Variants in SCAP observed in about 807,000 individuals in gnomAD.
SCAP encodes SREBF chaperone, also known as sterol regulatory element-binding protein cleavage-activating protein.
In SCAP, 65 loss-of-function variants were observed where a neutral mutation model predicts 123.6. The observed-to-expected ratio is 0.53, with a 90% CI of 0.43 to 0.65. SCAP has a LOEUF of 0.65. SCAP is among the 30% of genes least tolerant of loss of function. The probability of loss-of-function intolerance (pLI) is 0.00; values close to 1 mark genes in which losing one functional copy is unlikely to be tolerated. For synonymous variants in SCAP, 740 were observed against 726.3 expected (o/e 1.02, Z -0.30); for missense variants, 1,398 against 1,712.5 (o/e 0.82, Z 3.24).
intron 1 of SCAP, among the ~76,000 whole-genome samples, chr3:47,465,614 T>A (rs1188883593): frequency 1.3e-5 from 2 of 151,570 alleles, no homozygotes; most frequent in African/African-American, 2.4e-5. Flanking sequence ...ACAAAAAATT[T>A]TTTAATTAGC....
At chr3:47,461,762 G>A (rs1048321514) in intron 1 of SCAP, among the ~76,000 whole-genome samples, 8 of 152,012 alleles carry the variant, frequency 5.3e-5, no homozygotes, top group Admixed American at 3.9e-4. Flanking sequence ...GGCCGGGCAC[G>A]GTGGCTCACT....
At chr3:47,428,867 C>T (rs1032481177) in intron 3 of SCAP, 197 bp from the exon 4 acceptor site, 58 of 550,268 alleles carry the variant, frequency 1.1e-4, no homozygotes, top group African/African-American at 4.9e-4. Context: ...AAACTCCCTC[C>T]GCTTATGAGA....
rs1311519292 is a variant in SCAP at position 47,450,316 on chromosome 3, C to CT, written c.-98-7226dup. 8.0e-5 allele frequency among the ~76,000 whole-genome samples: 10 copies of CT among 125,202 alleles called. 2 individuals carry two copies. The highest frequency in any genetic ancestry group is 1.6e-4 in the Non-Finnish European group (9 of 56,398). The allele number at this position is 125,202 out of a possible 152,430, so 82.1% of individuals were successfully genotyped here. ...CCTGGCCCTAAGGAAACTTTTCACA[C>CT]TACGCCTACTGGCATTTTTCTGTCA... On this transcript the variant is annotated intron_variant, in intron 1 of 22. Coordinates refer to ENST00000265565, the MANE Select transcript of SCAP (RefSeq NM_012235.4).
intron 1 of SCAP, among the ~76,000 whole-genome samples, chr3:47,461,808 C>A (rs1369379291): frequency 6.6e-6 from 1 of 152,174 alleles, no homozygotes; most frequent in African/African-American, 2.4e-5. Flanking sequence ...CCGAGGCAAA[C>A]AGATCACTTC....
In SCAP at chr3:47,443,037, G is replaced by A; in HGVS notation, c.-44C>T. The A allele has an allele frequency of 1.2e-6, 2 of 1,611,630 alleles. No homozygotes were observed. The highest frequency in any genetic ancestry group is 1.7e-6 in the Non-Finnish European group (2 of 1,179,576). On this transcript the variant is annotated 5_prime_UTR_variant, in exon 2 of 23. Transcript: ENST00000265565. ...TGCTGCCATCCCGGAAAGTGACCAT[G>A]GATCACCCTGGCACACACTTGACAG...
intron 9 of SCAP, chr3:47,422,739 G>A (rs143230703): frequency 1.4e-5 from 7 of 504,142 alleles, no homozygotes; most frequent in East Asian, 6.4e-5. Context: ...CAGCTGCTAC[G>A]GGGAACGGGT....
chr3:47,460,241 G>A (rs977888222), intron 1 of SCAP, among the ~76,000 whole-genome samples: 2 of 152,184 alleles, frequency 1.3e-5, no homozygotes, highest in African/African-American at 2.4e-5. Context: ...GTCCTGAGGT[G>A]ACGTACATCC....
chr3:47,413,900 TCA>T lies in SCAP; in HGVS notation c.3792_3793del (p.Ser1264ArgfsTer53), dbSNP rs1393786688. The T allele has an allele frequency of 6.2e-7, 1 of 1,613,162 alleles. No homozygotes were observed. Among genetic ancestry groups the T allele is most frequent in the Non-Finnish European group, 8.5e-7 (1 of 1,180,018 alleles). On this transcript the variant is annotated frameshift_variant, in exon 23 of 23. Coordinates refer to ENST00000265565, the MANE Select transcript of SCAP (RefSeq NM_012235.4). LOFTEE classifies it high-confidence loss of function. The stretch of plus-strand genomic sequence containing the variant: ...AGAGGGCACATACACCAGGCTGAGC[TCA>T]CTGCCAAAGTTGCAGACAATGGCAG...
At chr3:47,454,380 A>ATGCT (rs1381140790) in intron 1 of SCAP, among the ~76,000 whole-genome samples, 1 of 151,930 alleles carries the variant, frequency 6.6e-6, no homozygotes, top group African/African-American at 2.4e-5. Context: ...AAAAAAAAGA[A>ATGCT]TAGACAGATG....
chr3:47,425,464 T>C, intron 8 of SCAP, 21 bp downstream of exon 8: 1 of 1,611,344 alleles, frequency 6.2e-7, no homozygotes, highest in Non-Finnish European at 8.5e-7. Flanking sequence ...TGTGGCCCAG[T>C]GGAGCCTGCT....
intron 1 of SCAP, chr3:47,469,906 T>A (rs961324941): frequency 6.0e-6 from 3 of 498,168 alleles, no homozygotes; most frequent in Non-Finnish European, 1.2e-5. Context: ...ATTCACTGAA[T>A]CCTTGACCTC....
chr3:47,462,127 A>G (rs1707664554), intron 1 of SCAP, among the ~76,000 whole-genome samples: 1 of 152,226 alleles, frequency 6.6e-6, no homozygotes, highest in Non-Finnish European at 1.5e-5. Flanking sequence ...AATTATTAAC[A>G]TAAACATCAT....
At chr3:47,458,799 T>C (rs1707522189) in intron 1 of SCAP, among the ~76,000 whole-genome samples, 1 of 152,174 alleles carries the variant, frequency 6.6e-6, no homozygotes, top group Non-Finnish European at 1.5e-5. Flanking sequence ...AGAATCAGTT[T>C]TATTTTTATT....
rs1234352181 is a variant in SCAP, at chr3:47,417,458, C to T, written c.2816G>A (p.Gly939Glu). 1 of 1,551,882 alleles carries T rather than the reference C, an allele frequency of 6.4e-7. No individual in the cohort carries two copies. Among genetic ancestry groups the T allele is most frequent in the Non-Finnish European group, 8.7e-7 (1 of 1,148,372 alleles). Reference sequence around the variant, plus strand: ...CTCAGGGGCCTGGGACAGCACCGGCCCAGGCGAGGGTGGGCGCAGGGCTGG... The same window carrying T: ...CTCAGGGGCCTGGGACAGCACCGGCTCAGGCGAGGGTGGGCGCAGGGCTGG... ...CTPALRPPSPGPVLSQAPEDE... is the reference protein window; with the variant it reads ...CTPALRPPSPEPVLSQAPEDE... Residue 939 changes from glycine (G) to glutamate (E), a missense_variant, in exon 17 of 23, where the codon GGG (glycine) becomes GAG (glutamate). By Grantham distance (98) the Gly-to-Glu change is moderately conservative. This residue lies in a region of SCAP where 828 missense variants were observed against 882.5 expected (regional missense o/e 0.94). Coordinates refer to ENST00000265565, the MANE Select transcript of SCAP (RefSeq NM_012235.4).
At position 47,418,676 on chromosome 3, in the gene SCAP, T is replaced by G; in HGVS notation, c.2108A>C (p.His703Pro). Residue 703 changes from histidine to proline, a missense_variant, in exon 14 of 23, where the codon CAT becomes CCT. Coordinates refer to ENST00000265565, the MANE Select transcript of SCAP (RefSeq NM_012235.4). ...TTACTTGTACAGCGTGACGTCTCCA[T>G]GGGCCTGCACCCCACCTGGGCCCTT... ...GPKGPGGVQA[H>P]GDVTLYKVAA... is the part of the protein sequence containing the mutation. 1 of 1,364,920 alleles carries G rather than the reference T, an allele frequency of 7.3e-7. No homozygotes were observed. The highest frequency in any genetic ancestry group is 9.7e-7 in the Non-Finnish European group (1 of 1,029,042). 84.6% of individuals were successfully genotyped at this position (1,364,920 alleles called of 1,614,324 possible).
chr3:47,446,216 C>T (rs1454819072), intron 1 of SCAP, among the ~76,000 whole-genome samples: 1 of 151,118 alleles, frequency 6.6e-6, no homozygotes, highest in Non-Finnish European at 1.5e-5. Context: ...CTCTGTCGCC[C>T]AGGCTGGAGT....
At chr3:47,427,377 A>G in intron 5 of SCAP, 70 bp downstream of exon 5, 1 of 1,569,034 alleles carries the variant, frequency 6.4e-7, no homozygotes, top group Non-Finnish European at 8.8e-7. Context: ...GATCTGCCTA[A>G]GCACACATCA....
chr3:47,465,581 C>A (rs1031545749), intron 1 of SCAP, among the ~76,000 whole-genome samples: 3 of 151,790 alleles, frequency 2.0e-5, no homozygotes, highest in Non-Finnish European at 4.4e-5. Flanking sequence ...CCAGCCTGGG[C>A]AACACAGTGA....
At position 47,413,853 on chromosome 3, in the gene SCAP, C is replaced by T; in HGVS notation, c.*1G>A. The T allele has an allele frequency of 6.2e-7, 1 of 1,611,906 alleles. No individual in the cohort carries two copies. Among genetic ancestry groups the T allele is most frequent in the Non-Finnish European group, 8.5e-7 (1 of 1,179,386 alleles). On this transcript the variant is annotated 3_prime_UTR_variant, in exon 23 of 23. Transcript: ENST00000265565. ...CCTGCCTGGGCAAGGAGGCCCTGCG[C>T]TCAGTCCAGCTTCTCCAGCACAGAG...
Sources: gnomAD v4.1 joint callset for allele counts (sites outside exome capture counted in the v4.1 genomes callset) on GRCh38, gnomAD v4.1.1 for gene constraint, gnomAD v4.1.1 regional missense constraint, MANE v1.5 for transcripts, NCBI Gene and HGNC (gene_info 2026-07-23, HGNC 2026-07-21) for gene names.